The following RYR3 variants were observed in gnomAD, a reference collection of about 807,000 sequenced individuals.
The protein encoded by RYR3 is brain ryanodine receptor-calcium release channel.
In RYR3, 207 loss-of-function variants were observed where a neutral mutation model predicts 584.3. The ratio of observed to expected loss-of-function variants is 0.35; its 90% confidence interval spans 0.32 to 0.40. The LOEUF (loss-of-function observed/expected upper bound fraction) is 0.40. RYR3 is among the 10% of genes least tolerant of loss of function. RYR3 has a pLI of 1.00. For missense variants in RYR3, 5,616 were observed against 6,089.2 expected (o/e 0.92, Z 2.59); for synonymous variants, 2,416 against 2,248.5 (o/e 1.07, Z -2.11).
chr15:33,450,430 G>T (rs1364130766), intron 1 of RYR3, among the ~76,000 whole-genome samples: 1 of 152,030 alleles, frequency 6.6e-6, no homozygotes, highest in Non-Finnish European at 1.5e-5. Context: ...GCAGCAAGAC[G>T]CTTCTGCCGC....
chr15:33,499,856 C>T (rs924398591), intron 2 of RYR3, among the ~76,000 whole-genome samples: 3 of 152,308 alleles, frequency 2.0e-5, no homozygotes, highest in Non-Finnish European at 4.4e-5. Flanking sequence ...GAGCCATTGA[C>T]ACACCTACAA....
chr15:33,329,380 G>A (rs1187081560), intron 1 of RYR3, among the ~76,000 whole-genome samples: 1 of 152,140 alleles, frequency 6.6e-6, no homozygotes, highest in African/African-American at 2.4e-5. Context: ...AGTTACAAAA[G>A]ATGAATATAA....
intron 3 of RYR3, among the ~76,000 whole-genome samples, chr15:33,514,730 G>A (rs973014994): frequency 3.9e-5 from 6 of 151,952 alleles, no homozygotes; most frequent in South Asian, 2.1e-4. Context: ...GGCCAGGAGC[G>A]GTGGCTCACA....
At chr15:33,689,671 A>G (rs928755788) in intron 38 of RYR3, among the ~76,000 whole-genome samples, 3 of 152,186 alleles carry the variant, frequency 2.0e-5, no homozygotes, top group African/African-American at 7.2e-5. Context: ...ACTTCAGATA[A>G]AAAAAGCCAT....
rs147149598 is a variant in RYR3 at position 33,800,812 on chromosome 15, C to G, written c.9873C>G (p.Leu3291=). 4.3e-4 allele frequency: 686 copies of G among 1,613,882 alleles called. 3 individuals carry two copies. The African/African-American group carries it at 8.1e-3, about 19-fold the overall frequency. ...GTCCTGATGCTGATTCTGACCAGCT[C>G]TTCCGCATGGTGGCAGAAGTCTTCA... is the stretch of plus-strand genomic sequence containing the variant. ...LKSPDADSDQ[L]FRMVAEVFIL... The change falls in exon 68 of 104, where the codon CTC becomes CTG. Residue 3291 remains leucine (L), a synonymous_variant. Coordinates refer to ENST00000634891, the MANE Select transcript of RYR3 (RefSeq NM_001036.6).
intron 64 of RYR3, among the ~76,000 whole-genome samples, chr15:33,778,959 T>C (rs952223755): frequency 6.6e-6 from 1 of 152,196 alleles, no homozygotes; most frequent in Admixed American, 6.5e-5. Context: ...TAAAACCACA[T>C]ATATTAACTT....
chr15:33,721,378 T>C (rs2067894819), intron 43 of RYR3, among the ~76,000 whole-genome samples: 1 of 152,228 alleles, frequency 6.6e-6, no homozygotes, highest in Non-Finnish European at 1.5e-5. Context: ...GCTTAGCGAC[T>C]TCAAAATCCC....
intron 1 of RYR3, among the ~76,000 whole-genome samples, chr15:33,336,540 G>GAA (rs1159076313): frequency 0.024 from 584 of 23,946 alleles, 128 homozygotes; most frequent in African/African-American, 0.06. Flanking sequence ...GAGGGAAGGA[G>GAA]GGAAGGAGGG....
chr15:33,541,727 C>T lies in RYR3; in HGVS notation c.646+837C>T, dbSNP rs939839867. Among the ~76,000 whole-genome samples, 18 of 152,094 alleles carry T rather than the reference C, an allele frequency of 1.2e-4. 1 individual carries two copies. In the South Asian group the frequency reaches 3.5e-3, roughly 30 times the overall value. On this transcript the variant is annotated intron_variant, in intron 7 of 103. Transcript: ENST00000634891. ...GAAAACAGAGTTGTCAAGGTGATAC[C>T]CCAGTTTCAGAATGCATGATAGCTA... is the stretch of plus-strand genomic sequence containing the variant.
In RYR3 at chr15:33,845,068, CT is replaced by C. The variant is rs1401726270; in HGVS notation, c.13497+7del. ...TGGGCTACTACTGCCTGAAGGTGAG[CT>C]GTTTGCCACTCTGGATCTAATCTCA... On this transcript the variant is annotated splice_region_variant and intron_variant, in intron 93 of 103. Coordinates refer to ENST00000634891, the MANE Select transcript of RYR3 (RefSeq NM_001036.6). The C allele has an allele frequency of 5.0e-6, 8 of 1,613,284 alleles. No individual in the cohort carries two copies. The highest frequency in any genetic ancestry group is 6.8e-6 in the Non-Finnish European group (8 of 1,179,530).
chr15:33,598,318 A>G (rs901413197), intron 16 of RYR3, among the ~76,000 whole-genome samples: 2 of 151,606 alleles, frequency 1.3e-5, no homozygotes, highest in Non-Finnish European at 2.9e-5. Context: ...AAGACCTTTC[A>G]AATACAAACA....
Position 33,813,536 on chromosome 15 carries a change from G to C in RYR3, c.10459G>C (p.Val3487Leu). 1 of 1,614,000 alleles carries C rather than the reference G, an allele frequency of 6.2e-7. No individual in the cohort carries two copies. Among genetic ancestry groups the C allele is most frequent in the South Asian group, 1.1e-5 (1 of 91,086 alleles). ...KLLSKQRKRAVVACFRMAPLY... is the reference protein window; with the variant it reads ...KLLSKQRKRALVACFRMAPLY... Reference sequence around the variant, plus strand: ...GTTATCAAAGCAACGGAAACGGGCAGTGGTGGCCTGTTTCAGGATGGCCCC... The same window carrying C: ...GTTATCAAAGCAACGGAAACGGGCACTGGTGGCCTGTTTCAGGATGGCCCC... Residue 3487 changes from valine (V) to leucine (L), a missense_variant, in exon 74 of 104, where the codon GTG (valine) becomes CTG (leucine). Around this residue, in one of 9 missense-constraint regions of RYR3, gnomAD observed 954 missense variants for 1,132.2 expected, o/e 0.84. Transcript: ENST00000634891.
chr15:33,664,615 A>ATATATATATATATATT lies in RYR3; in HGVS notation c.5619+878_5619+879insTATATATATATATATT, dbSNP rs59880717. Among the ~76,000 whole-genome samples, 2 of 118,344 alleles carry ATATATATATATATATT rather than the reference A, an allele frequency of 1.7e-5. 1 individual carries two copies. Among genetic ancestry groups the ATATATATATATATATT allele is most frequent in the African/African-American group, 6.3e-5 (2 of 31,548 alleles). 77.6% of individuals were successfully genotyped at this position (118,344 alleles called of 152,430 possible). ...TATATATATATATATATATATATATACGTATGTATACATCTGCGAGGGAGA... is the reference window on the plus strand; with the variant it reads ...TATATATATATATATATATATATATATATATATATATATATTCGTATGTATACATCTGCGAGGGAGA... On this transcript the variant is annotated intron_variant, in intron 36 of 103. Coordinates refer to ENST00000634891, the MANE Select transcript of RYR3 (RefSeq NM_001036.6).
chr15:33,605,749 T>TA (rs58749473), intron 18 of RYR3, among the ~76,000 whole-genome samples: 9,482 of 152,176 alleles, frequency 0.062, 325 homozygotes, highest in African/African-American at 0.068. Flanking sequence ...GCTGAAGAAA[T>TA]AAAGTTTCTG....
intron 92 of RYR3, 65 bp from the exon 93 acceptor site, chr15:33,844,797 T>TG (rs2078609955): frequency 1.5e-6 from 2 of 1,358,134 alleles, no homozygotes; most frequent in Non-Finnish European, 2.0e-6. Flanking sequence ...ATAAAATATG[T>TG]GGGGAGAGCC....
intron 18 of RYR3, 145 bp downstream of exon 18, chr15:33,603,509 T>C: frequency 2.2e-6 from 2 of 921,518 alleles, no homozygotes; most frequent in Non-Finnish European, 3.3e-6. Context: ...GAAAAGAGTA[T>C]CAGATTAAAA....
intron 1 of RYR3, among the ~76,000 whole-genome samples, chr15:33,380,826 G>A (rs895207609): frequency 6.6e-6 from 1 of 152,172 alleles, no homozygotes; most frequent in African/African-American, 2.4e-5. Context: ...AGCTTGCAAA[G>A]CTCTCCTCGG....
chr15:33,583,282 T>A (rs2152519259), intron 14 of RYR3, among the ~76,000 whole-genome samples: 1 of 152,360 alleles, frequency 6.6e-6, no homozygotes, highest in East Asian at 1.9e-4. Flanking sequence ...CATGTTGCTA[T>A]TATTCATCCA....
chr15:33,596,297 A>G (rs941668738), intron 16 of RYR3, among the ~76,000 whole-genome samples: 19 of 152,092 alleles, frequency 1.2e-4, no homozygotes, highest in Admixed American at 3.3e-4. Context: ...TTGATTTAAT[A>G]TAGCTTTATA....
Sources: gnomAD v4.1 joint callset for allele counts (sites outside exome capture counted in the v4.1 genomes callset) on GRCh38, gnomAD v4.1.1 for gene constraint, gnomAD v4.1.1 regional missense constraint, MANE v1.5 for transcripts, NCBI Gene and HGNC (gene_info 2026-07-23, HGNC 2026-07-21) for gene names.